MBNL3: variants seen among roughly 807,000 people sequenced by gnomAD.
The protein encoded by MBNL3 is muscleblind-like protein 3.
Under a neutral mutation model 24.5 loss-of-function variants are expected in MBNL3, and 6 were observed. That is an observed-to-expected ratio of 0.25 (90% CI 0.13 to 0.48). The LOEUF (loss-of-function observed/expected upper bound fraction) is 0.48. Among genes scored for constraint, MBNL3 ranks in the 20% least tolerant of loss-of-function variants. The pLI is 0.99. For synonymous variants in MBNL3, 100 were observed against 101.7 expected, an observed-to-expected ratio of 0.98 and a Z score of 0.10; for missense variants, 230 against 293.5, an observed-to-expected ratio of 0.78 and a Z score of 1.58.
chrX:132,385,140 T>C (rs1240914835), intron 6 of MBNL3, among the ~76,000 whole-genome samples: 2 of 110,918 alleles, frequency 1.8e-5, no homozygotes, highest in African/African-American at 6.5e-5. Flanking sequence ...GACTTGACTA[T>C]GAATATATGG....
At chrX:132,468,108 G>A (rs1489381024) in intron 1 of MBNL3, among the ~76,000 whole-genome samples, 1 of 111,937 alleles carries the variant, frequency 8.9e-6, no homozygotes, top group Non-Finnish European at 1.9e-5. Flanking sequence ...CACAAGACTC[G>A]CAAACAGAAT....
At chrX:132,476,909 A>G (rs902864298) in intron 1 of MBNL3, among the ~76,000 whole-genome samples, 3 of 111,558 alleles carry the variant, frequency 2.7e-5, no homozygotes, top group Non-Finnish European at 5.6e-5. Flanking sequence ...AATCCTGAAT[A>G]ACTCACACTC....
intron 7 of MBNL3, among the ~76,000 whole-genome samples, chrX:132,383,023 G>A (rs1935309640): frequency 8.9e-6 from 1 of 112,334 alleles, no homozygotes; most frequent in African/African-American, 3.2e-5. Flanking sequence ...CTTGCAGGAT[G>A]TTTTATCTTT....
At chrX:132,425,442 G>A (rs1944223196) in intron 2 of MBNL3, among the ~76,000 whole-genome samples, 2 of 111,376 alleles carry the variant, frequency 1.8e-5, no homozygotes. Context: ...AGTTATTGTG[G>A]GTTTTTTAAA....
intron 6 of MBNL3, 62 bp from the exon 7 acceptor site, chrX:132,384,760 G>A (rs1399316148): frequency 6.6e-6 from 6 of 910,474 alleles, no homozygotes; most frequent in Non-Finnish European, 9.0e-6. Flanking sequence ...AGGATTTACT[G>A]ATAGAAATAC....
chrX:132,477,606 C>G (rs1390308549), intron 1 of MBNL3, among the ~76,000 whole-genome samples: 1 of 111,037 alleles, frequency 9.0e-6, no homozygotes, highest in Non-Finnish European at 1.9e-5. Flanking sequence ...ATAGTACCCC[C>G]GGAAGGCAAT....
chrX:132,489,360 C>G (rs1948171334), upstream of MBNL3, among the ~76,000 whole-genome samples: 1 of 112,416 alleles, frequency 8.9e-6, no homozygotes, highest in South Asian at 3.6e-4. Flanking sequence ...GCCGGCCCTA[C>G]CCGCTCCTCC....
intron 2 of MBNL3, among the ~76,000 whole-genome samples, chrX:132,428,669 G>A (rs976466093): frequency 1.8e-5 from 2 of 111,914 alleles, no homozygotes; most frequent in Admixed American, 9.5e-5. Context: ...GACACACTGA[G>A]AGGAAAACAA....
chrX:132,398,781 A>G (rs9698786), intron 3 of MBNL3, among the ~76,000 whole-genome samples: 27,044 of 110,025 alleles, frequency 0.25, 2,963 homozygotes, highest in African/African-American at 0.41. Context: ...AAAATTATCA[A>G]GGGTTTGACC....
At chrX:132,393,277 T>A (rs1376387840) in intron 3 of MBNL3, among the ~76,000 whole-genome samples, 1 of 109,897 alleles carries the variant, frequency 9.1e-6, no homozygotes, top group Non-Finnish European at 1.9e-5. Flanking sequence ...TATTCATAGT[T>A]CAAAAGAAGG....
At chrX:132,445,839 G>A (rs1202508269) in intron 1 of MBNL3, among the ~76,000 whole-genome samples, 5 of 110,624 alleles carry the variant, frequency 4.5e-5, no homozygotes, top group South Asian at 3.9e-4. Flanking sequence ...ATACATGTGC[G>A]GAACGTGCAG....
At chrX:132,458,295 T>A (rs1297066648) in intron 1 of MBNL3, among the ~76,000 whole-genome samples, 3 of 107,635 alleles carry the variant, frequency 2.8e-5, no homozygotes, top group African/African-American at 1.0e-4. Flanking sequence ...CCTGATGTTA[T>A]ATACCCTTCA....
intron 1 of MBNL3, among the ~76,000 whole-genome samples, chrX:132,453,174 C>T (rs1161554509): frequency 1.8e-5 from 2 of 111,178 alleles, no homozygotes; most frequent in Non-Finnish European, 3.8e-5. Context: ...TCTGAAGAAC[C>T]TGGAAAGTGA....
intron 1 of MBNL3, among the ~76,000 whole-genome samples, chrX:132,449,991 C>T (rs978508520): frequency 8.5e-5 from 6 of 70,517 alleles, no homozygotes; most frequent in Admixed American, 2.8e-4. Context: ...CCCCCCCCCC[C>T]CCGCCACTTC....
At chrX:132,449,365 G>T (rs753820447) in intron 1 of MBNL3, among the ~76,000 whole-genome samples, 181 of 108,983 alleles carry the variant, frequency 1.7e-3, no homozygotes, top group African/African-American at 5.8e-3. Context: ...TCTTCTTGTT[G>T]CATTGATCCC....
rs1340862978 is a variant in MBNL3, at chrX:132,396,681, T to C, written c.343-4347A>G. ...ATATATTCACATATATATATTCATATATATATATTCATATATATATTCATA... is the reference window on the plus strand; with the variant it reads ...ATATATTCACATATATATATTCATACATATATATTCATATATATATTCATA... On this transcript the variant is annotated intron_variant, in intron 3 of 8. Coordinates refer to ENST00000370853, the MANE Select transcript of MBNL3 (RefSeq NM_001386889.1). Among the ~76,000 whole-genome samples the C allele has an allele frequency of 2.3e-4, 7 of 30,838 alleles. 1 individual carries two copies. The highest frequency in any genetic ancestry group is 5.6e-4 in the African/African-American group (4 of 7,167). 26.8% of individuals were successfully genotyped at this position (30,838 alleles called of 115,157 possible).
intron 2 of MBNL3, chrX:132,432,118 T>C (rs1944787695): frequency 9.0e-6 from 1 of 111,661 alleles, no homozygotes; most frequent in Admixed American, 9.5e-5. Context: ...AGGAAAACAG[T>C]ATGCTACTAT....
rs754845914 is a variant in MBNL3, at chrX:132,406,261, C to A, written c.309G>T (p.Gln103His). The change falls in exon 3 of 9, where the codon CAG (glutamine) becomes CAT (histidine). Residue 103 changes from glutamine to histidine, a missense_variant. Gln to His is a conservative substitution (Grantham distance 24). Coordinates refer to ENST00000370853, the MANE Select transcript of MBNL3 (RefSeq NM_001386889.1). ...ACATTTGAGCGTTTTGGAGCATAAG[C>A]TGCATCTGCTGGGCGAACATGGCTG... The part of the protein sequence containing the change: ...TAAAMFAQQM[Q>H]LMLQNAQMSS... 4 of 1,211,705 alleles carry A rather than the reference C, an allele frequency of 3.3e-6. No homozygotes were observed. Among genetic ancestry groups the A allele is most frequent in the Non-Finnish European group, 4.5e-6 (4 of 895,471 alleles).
intron 1 of MBNL3, among the ~76,000 whole-genome samples, chrX:132,447,270 G>GT (rs1464710156): frequency 8.9e-6 from 1 of 111,785 alleles, no homozygotes; most frequent in Non-Finnish European, 1.9e-5. Context: ...ATTTAAAGTA[G>GT]TTTTTTCCAA....
Sources: gnomAD v4.1 joint callset for allele counts (sites outside exome capture counted in the v4.1 genomes callset) on GRCh38, gnomAD v4.1.1 for gene constraint, MANE v1.5 for transcripts, NCBI Gene and HGNC (gene_info 2026-07-23, HGNC 2026-07-21) for gene names.